Variants in PLA2G4A observed in about 807,000 individuals in gnomAD.
The protein encoded by PLA2G4A is phospholipase A2 group IVA, also known as cytosolic phospholipase A2.
PLA2G4A carries 40 observed loss-of-function variants against 81.9 expected under a neutral mutation model. That is an observed-to-expected ratio of 0.49 (90% CI 0.38 to 0.64). The LOEUF (loss-of-function observed/expected upper bound fraction) is 0.64. Ranked by LOEUF, PLA2G4A falls within the 30% of genes least tolerant of loss-of-function variation. The pLI, the probability that PLA2G4A is intolerant of heterozygous loss-of-function variation, is 0.00. For missense variants in PLA2G4A, 715 were observed against 905.1 expected (o/e 0.79, Z 2.69); for synonymous variants, 302 against 296.9 (o/e 1.02, Z -0.18).
chr1:186,911,523 G>C lies in PLA2G4A; in HGVS notation c.558+134G>C. On this transcript the variant is annotated intron_variant, in intron 7 of 17. Transcript: ENST00000367466. ...CCTTTAGTTTTTTAAGGTAAGGTAA[G>C]TGATTTGTAAATGAAAACTCTTTGA... 3 of 724,968 alleles carry C rather than the reference G, an allele frequency of 4.1e-6. No homozygotes were observed. In the South Asian group the frequency reaches 4.7e-5, roughly 11 times the overall value. The allele number at this position is 724,968 out of a possible 1,614,324, so 44.9% of individuals were successfully genotyped here.
In PLA2G4A at chr1:186,938,326, A is replaced by G. The variant is rs540812233; in HGVS notation, c.696-682A>G. Reference sequence around the variant, plus strand: ...TTTATTATCTAGATATCAAATATCAAGGCTCATGGTGATTTCCAGTTTTAC... The same window carrying G: ...TTTATTATCTAGATATCAAATATCAGGGCTCATGGTGATTTCCAGTTTTAC... On this transcript the variant is annotated intron_variant, in intron 8 of 17. Coordinates refer to ENST00000367466, the MANE Select transcript of PLA2G4A (RefSeq NM_024420.3). 7.9e-5 allele frequency among the ~76,000 whole-genome samples: 12 copies of G among 152,252 alleles called. No homozygotes were observed. The East Asian group carries it at 9.6e-4, about 12-fold the overall frequency.
intron 5 of PLA2G4A, among the ~76,000 whole-genome samples, chr1:186,898,275 C>A (rs532733077): frequency 6.2e-4 from 94 of 151,946 alleles, no homozygotes; most frequent in Non-Finnish European, 1.2e-3. Context: ...AAAAAAACTG[C>A]ACAAAAAGTA....
rs1319249835 is a variant in PLA2G4A, at chr1:186,939,072, G to A, written c.760G>A (p.Glu254Lys). Residue 254 changes from glutamate (E) to lysine (K), a missense_variant, in exon 9 of 18, where the codon GAA becomes AAA. Transcript: ENST00000367466. ...PEKGPEEINE[E>K]LMKNVSHNPL... ...GAAAGGGCCAGAGGAGATTAATGAA[G>A]AACTAATGAAAAATGTTAGCCACAA... The A allele has an allele frequency of 6.2e-7, 1 of 1,611,392 alleles. No individual in the cohort carries two copies.
intron 3 of PLA2G4A, among the ~76,000 whole-genome samples, chr1:186,873,583 GTTAA>G (rs1558387672): frequency 6.6e-6 from 1 of 152,002 alleles, no homozygotes; most frequent in African/African-American, 2.4e-5. Context: ...AAATCAACTA[GTTAA>G]TTCTTGGTAA....
At chr1:186,969,494 G>A (rs1156253324) in intron 15 of PLA2G4A, among the ~76,000 whole-genome samples, 2 of 151,670 alleles carry the variant, frequency 1.3e-5, no homozygotes, top group African/African-American at 2.4e-5. Context: ...CTGAACACTA[G>A]ATCTTATTCC....
chr1:186,853,981 C>T lies in PLA2G4A; in HGVS notation c.-69-305C>T, dbSNP rs1307238555. ...CAGTACAAAAATAATTTTAAGTTTC[C>T]GTAATTTCAACATATTTCTCATAAA... On this transcript the variant is annotated intron_variant, in intron 1 of 17. Coordinates refer to ENST00000367466, the MANE Select transcript of PLA2G4A (RefSeq NM_024420.3). Among the ~76,000 whole-genome samples the T allele has an allele frequency of 5.3e-5, 8 of 151,892 alleles. 1 individual carries two copies. Among genetic ancestry groups the T allele is most frequent in the East Asian group, 1.9e-4 (1 of 5,176 alleles).
intron 14 of PLA2G4A, among the ~76,000 whole-genome samples, chr1:186,957,897 A>G (rs1656810900): frequency 6.6e-6 from 1 of 152,208 alleles, no homozygotes; most frequent in African/African-American, 2.4e-5. Context: ...TCCAAATGTC[A>G]TTCCTCAATC....
chr1:186,907,023 G>C, intron 6 of PLA2G4A, 21 bp downstream of exon 6: 2 of 1,319,490 alleles, frequency 1.5e-6, no homozygotes, highest in Non-Finnish European at 2.2e-6. Flanking sequence ...TTATTTAGTT[G>C]GATGAGAAAT....
At chr1:186,979,115 C>G (rs1657631888) in intron 16 of PLA2G4A, among the ~76,000 whole-genome samples, 200 bp from the exon 17 acceptor site, 1 of 152,176 alleles carries the variant, frequency 6.6e-6, no homozygotes, top group Non-Finnish European at 1.5e-5. Flanking sequence ...AGCCCTCCGG[C>G]ACACAGATGT....
intron 2 of PLA2G4A, among the ~76,000 whole-genome samples, chr1:186,863,759 T>TA (rs34709541): frequency 0.67 from 94,958 of 140,930 alleles, 30,995 homozygotes; most frequent in South Asian, 0.72. Flanking sequence ...TGCAAATATA[T>TA]AATTTTTTTT....
At chr1:186,937,978 T>C (rs944125803) in intron 8 of PLA2G4A, among the ~76,000 whole-genome samples, 1 of 152,048 alleles carries the variant, frequency 6.6e-6, no homozygotes, top group African/African-American at 2.4e-5. Context: ...ACGATAACCA[T>C]TATAGTAGAC....
intron 15 of PLA2G4A, among the ~76,000 whole-genome samples, chr1:186,974,541 A>C (rs1657466494): frequency 6.6e-6 from 1 of 152,184 alleles, no homozygotes; most frequent in Non-Finnish European, 1.5e-5. Context: ...TATCTCTTTG[A>C]AGGATACTGT....
At chr1:186,861,608 AG>A (rs1188912503) in intron 2 of PLA2G4A, among the ~76,000 whole-genome samples, 1 of 152,194 alleles carries the variant, frequency 6.6e-6, no homozygotes, top group African/African-American at 2.4e-5. Flanking sequence ...ACAGTCAGTC[AG>A]TAGTGCCTCC....
intron 3 of PLA2G4A, among the ~76,000 whole-genome samples, chr1:186,892,585 G>T (rs559712106): frequency 6.6e-6 from 1 of 152,092 alleles, no homozygotes; most frequent in Non-Finnish European, 1.5e-5. Context: ...TGGCACCTTT[G>T]TCAAAAATGA....
rs542952455 is a variant in PLA2G4A, at chr1:186,902,116, G to A, written c.379-4849G>A. On this transcript the variant is annotated intron_variant, in intron 5 of 17. Transcript: ENST00000367466. ...CCTAAGCTGCAAGCCTGTATAGCAC[G>A]TTACTGCACTGAATACAATAGGCAT... Among the ~76,000 whole-genome samples the A allele has an allele frequency of 6.6e-5, 10 of 152,204 alleles. No homozygotes were observed. In the East Asian group the frequency reaches 9.7e-4, roughly 15 times the overall value.
At chr1:186,854,543 A>G (rs1023487195) in intron 2 of PLA2G4A, among the ~76,000 whole-genome samples, 156 bp downstream of exon 2, 7 of 151,958 alleles carry the variant, frequency 4.6e-5, no homozygotes, top group Non-Finnish European at 1.0e-4. Context: ...GCTATGGAAC[A>G]TAATAAAAAT....
chr1:186,878,243 AAT>A (rs1231662673), intron 3 of PLA2G4A, among the ~76,000 whole-genome samples: 1 of 141,422 alleles, frequency 7.1e-6, no homozygotes, highest in African/African-American at 2.5e-5. Flanking sequence ...TATCTATATA[AAT>A]ATGTCTTTTC....
intron 3 of PLA2G4A, among the ~76,000 whole-genome samples, chr1:186,875,611 A>G (rs938759201): frequency 1.3e-5 from 2 of 152,036 alleles, no homozygotes; most frequent in African/African-American, 4.8e-5. Context: ...ATATAAAGAT[A>G]CCTTCCACAA....
intron 8 of PLA2G4A, among the ~76,000 whole-genome samples, chr1:186,933,816 C>G (rs1236125224): frequency 6.6e-6 from 1 of 152,146 alleles, no homozygotes; most frequent in Non-Finnish European, 1.5e-5. Context: ...TGTCCAACAT[C>G]ACTAGTAGAG....
Sources: allele counts gnomAD v4.1 joint callset (sites outside exome capture counted in the v4.1 genomes callset), GRCh38; gene constraint gnomAD v4.1.1; transcripts MANE v1.5; gene names NCBI Gene and HGNC (gene_info 2026-07-23, HGNC 2026-07-21).